Variants in LAMP2 observed in about 807,000 individuals in gnomAD.
The protein encoded by LAMP2 is lysosome-associated membrane glycoprotein 2.
In LAMP2, 4 loss-of-function variants were observed where a neutral mutation model predicts 25.6. That is an observed-to-expected ratio of 0.16 (90% CI 0.08 to 0.36). LAMP2 has a LOEUF of 0.36. LAMP2 is among the 10% of genes least tolerant of loss of function. The pLI is 1.00. For synonymous variants in LAMP2, 108 were observed against 112.7 expected (o/e 0.96, Z 0.27); for missense variants, 272 against 301.4 (o/e 0.90, Z 0.72).
rs778938403 is a variant in LAMP2, at chrX:120,431,211, G to T, written c.*112C>A. ...TCTCAAAATGCTGGGATTGATAAAAGAATTAAAGTTTCAACATATCAATTT... is the reference window on the plus strand; with the variant it reads ...TCTCAAAATGCTGGGATTGATAAAATAATTAAAGTTTCAACATATCAATTT... On this transcript the variant is annotated 3_prime_UTR_variant, in exon 9 of 9. Transcript: ENST00000200639. 8 of 1,184,970 alleles carry T rather than the reference G, an allele frequency of 6.8e-6. No individual in the cohort carries two copies. Among genetic ancestry groups the T allele is most frequent in the Middle Eastern group, 2.6e-4 (1 of 3,820 alleles).
At chrX:120,458,214 G>C (rs770619376) in intron 1 of LAMP2, among the ~76,000 whole-genome samples, 1 of 111,305 alleles carries the variant, frequency 9.0e-6, no homozygotes, top group Non-Finnish European at 1.9e-5. Context: ...GTCTTTTCTC[G>C]GTCTTGTTTA....
chrX:120,431,441 T>TCATCTGCA lies in LAMP2; in HGVS notation c.1107_1114dup (p.Asp372ValfsTer11). ...CGCTATGGGCACAAGGAAGTTGTCG[T>TCATCTGCA]CATCTGCACTGCAGTCTTGAGCTAG... On this transcript the variant is annotated frameshift_variant, in exon 9 of 9. Transcript: ENST00000200639. LOFTEE classifies it high-confidence loss of function. The TCATCTGCA allele has an allele frequency of 8.3e-7, 1 of 1,209,785 alleles. No individual in the cohort carries two copies. Among genetic ancestry groups the TCATCTGCA allele is most frequent in the Non-Finnish European group, 1.1e-6 (1 of 893,609 alleles).
Position 120,430,892 on chromosome X carries a change from G to A in LAMP2, c.*431C>T, listed in dbSNP as rs2058520227. On this transcript the variant is annotated 3_prime_UTR_variant, in exon 9 of 9. Coordinates refer to ENST00000200639, the MANE Select transcript of LAMP2 (RefSeq NM_002294.3). ...AATGAACTTTATGCAAAGGCACATT[G>A]ATGAGTTTAAATCACTATAGTCCTT... 11 of 757,406 alleles carry A rather than the reference G, an allele frequency of 1.5e-5. No individual in the cohort carries two copies. Among genetic ancestry groups the A allele is most frequent in the Non-Finnish European group, 1.7e-5 (11 of 638,385 alleles). The allele number at this position is 757,406 out of a possible 1,213,427, so 62.4% of individuals were successfully genotyped here.
At chrX:120,445,203 A>G (rs1176875004) in intron 6 of LAMP2, among the ~76,000 whole-genome samples, 2 of 112,175 alleles carry the variant, frequency 1.8e-5, no homozygotes, top group Non-Finnish European at 1.9e-5. Context: ...TGCTTTTACC[A>G]TACTGGAGAG....
intron 3 of LAMP2, among the ~76,000 whole-genome samples, chrX:120,452,134 G>A (rs1021741080): frequency 9.0e-6 from 1 of 110,953 alleles, no homozygotes. Flanking sequence ...TTCTTTATAA[G>A]CTACTGTCTC....
chrX:120,466,784 C>T (rs1413359039), intron 1 of LAMP2, among the ~76,000 whole-genome samples: 11 of 110,506 alleles, frequency 1.0e-4, no homozygotes, highest in Non-Finnish European at 2.1e-4. Flanking sequence ...CACTGGAAAA[C>T]TCTGCTGTAC....
At chrX:120,442,820 A>C (rs1323747163) in intron 6 of LAMP2, among the ~76,000 whole-genome samples, 158 bp from the exon 7 acceptor site, 1 of 112,320 alleles carries the variant, frequency 8.9e-6, no homozygotes, top group South Asian at 3.7e-4. Flanking sequence ...GAGAACTCAT[A>C]ATCTGACAGA....
rs2058501313 is a variant in LAMP2 at position 120,426,933 on chromosome X, G to T, written c.*4390C>A. On this transcript the variant is annotated 3_prime_UTR_variant, in exon 9 of 9. Coordinates refer to ENST00000200639, the MANE Select transcript of LAMP2 (RefSeq NM_002294.3). ...AATCTAACTTTCTACTCCAGTTTTT[G>T]AGATGTACATGTTTTTGAGATGTAC... 8.9e-6 allele frequency among the ~76,000 whole-genome samples: 1 copy of T among 112,178 alleles called. No individual in the cohort carries two copies. Among genetic ancestry groups the T allele is most frequent in the Admixed American group, 9.5e-5 (1 of 10,577 alleles).
At chrX:120,436,324 T>C (rs969834344) in intron 8 of LAMP2, among the ~76,000 whole-genome samples, 2 of 111,801 alleles carry the variant, frequency 1.8e-5, no homozygotes, top group Non-Finnish European at 3.8e-5. Context: ...TCGAGGCCTA[T>C]GTATGGGACT....
intron 1 of LAMP2, among the ~76,000 whole-genome samples, chrX:120,464,749 T>TTTTTG (rs1176662588): frequency 1.8e-5 from 2 of 111,576 alleles, no homozygotes; most frequent in African/African-American, 3.3e-5. Context: ...CTTCATAGTG[T>TTTTTG]TTTTGTTTTG....
At chrX:120,435,608 T>C (rs914300173) in intron 8 of LAMP2, among the ~76,000 whole-genome samples, 1 of 112,195 alleles carries the variant, frequency 8.9e-6, no homozygotes, top group Admixed American at 9.5e-5. Flanking sequence ...TGAAATACTA[T>C]GATGCATTCC....
intron 8 of LAMP2, among the ~76,000 whole-genome samples, chrX:120,434,501 G>A (rs1300380802): frequency 8.9e-6 from 1 of 111,961 alleles, no homozygotes; most frequent in Non-Finnish European, 1.9e-5. Flanking sequence ...ACTTTAATGG[G>A]ATCACATTCT....
chrX:120,456,425 C>T (rs1414440387), intron 2 of LAMP2, among the ~76,000 whole-genome samples: 2 of 110,907 alleles, frequency 1.8e-5, no homozygotes, highest in Non-Finnish European at 3.8e-5. Flanking sequence ...AGATCATTTG[C>T]CCTTAATCAA....
chrX:120,436,170 A>ACTCT (rs1232205922), intron 8 of LAMP2, among the ~76,000 whole-genome samples: 1,195 of 57,240 alleles, frequency 0.021, 34 homozygotes, highest in African/African-American at 0.057. Context: ...ACACACACAC[A>ACTCT]CTCTCTCTCT....
chrX:120,462,967 C>G (rs1364696692), intron 1 of LAMP2, among the ~76,000 whole-genome samples: 1 of 112,480 alleles, frequency 8.9e-6, no homozygotes, highest in African/African-American at 3.2e-5. Context: ...TTAGTAAACA[C>G]AGCACCTAAA....
chrX:120,437,607 G>A (rs1288165330), intron 8 of LAMP2: 6 of 746,465 alleles, frequency 8.0e-6, no homozygotes, highest in Non-Finnish European at 9.5e-6. Flanking sequence ...GGTGGTACAC[G>A]GTAATTTGAC....
At chrX:120,465,275 C>T (rs762665209) in intron 1 of LAMP2, among the ~76,000 whole-genome samples, 5 of 108,091 alleles carry the variant, frequency 4.6e-5, no homozygotes, top group Non-Finnish European at 7.7e-5. Context: ...TTTTCCCACC[C>T]AGAAAAGCCT....
At chrX:120,465,894 CCCA>C (rs1921513986) in intron 1 of LAMP2, among the ~76,000 whole-genome samples, 1 of 112,064 alleles carries the variant, frequency 8.9e-6, no homozygotes, top group Non-Finnish European at 1.9e-5. Flanking sequence ...TTGTGCAAAA[CCCA>C]CCAAGCAACT....
In LAMP2 at chrX:120,430,127, C is replaced by G. The variant is rs887254365; in HGVS notation, c.*1196G>C. The G allele has an allele frequency of 1.2e-4, 89 of 750,714 alleles. No homozygotes were observed. Among genetic ancestry groups the G allele is most frequent in the Non-Finnish European group, 9.9e-5 (63 of 636,894 alleles). 61.9% of individuals were successfully genotyped at this position (750,714 alleles called of 1,213,427 possible). A position where few individuals can be genotyped will look rare whatever the true frequency, so the allele number is the denominator to read the frequency against. On this transcript the variant is annotated 3_prime_UTR_variant, in exon 9 of 9. Coordinates refer to ENST00000200639, the MANE Select transcript of LAMP2 (RefSeq NM_002294.3). ...AGTTATAGAGACTCTGATCATGCCC[C>G]TATATACATACAATGGGTTAATAAT...
Sources: allele counts gnomAD v4.1 joint callset (sites outside exome capture counted in the v4.1 genomes callset), GRCh38; gene constraint gnomAD v4.1.1; transcripts MANE v1.5; gene names NCBI Gene and HGNC (gene_info 2026-07-23, HGNC 2026-07-21).